Variants in EIF2AK2 observed in about 807,000 individuals in gnomAD.
The protein encoded by EIF2AK2 is interferon-induced, double-stranded RNA-activated protein kinase.
EIF2AK2 carries 40 observed loss-of-function variants against 70.5 expected under a neutral mutation model. The ratio of observed to expected loss-of-function variants is 0.57; its 90% CI spans 0.44 to 0.74. The LOEUF is 0.74. EIF2AK2 is among the 30% of genes least tolerant of loss of function. The pLI is 0.00. For missense variants in EIF2AK2, 555 were observed against 644.3 expected, an observed-to-expected ratio of 0.86 and a Z score of 1.50; for synonymous variants, 198 against 220.9, an observed-to-expected ratio of 0.90 and a Z score of 0.92.
intron 10 of EIF2AK2, among the ~76,000 whole-genome samples, chr2:37,134,620 A>G (rs776466721): frequency 3.3e-4 from 50 of 152,148 alleles, no homozygotes; most frequent in Admixed American, 5.9e-4. Flanking sequence ...AACTCTTCCT[A>G]TATCGCTACT....
intron 11 of EIF2AK2, among the ~76,000 whole-genome samples, chr2:37,124,372 C>T (rs1674660676): frequency 6.6e-6 from 1 of 152,152 alleles, no homozygotes; most frequent in Non-Finnish European, 1.5e-5. Flanking sequence ...AGCGATTCTC[C>T]TGCCTCAGCC....
intron 4 of EIF2AK2, among the ~76,000 whole-genome samples, chr2:37,146,221 G>A (rs1318401248): frequency 6.6e-6 from 1 of 152,174 alleles, no homozygotes; most frequent in Admixed American, 6.5e-5. Context: ...GCCTAGGTGT[G>A]TACTGGTTGT....
At position 37,120,037 on chromosome 2, in the gene EIF2AK2, CA is replaced by C; in HGVS notation, c.1169del (p.Leu390TrpfsTer9). ...KRRGEKLDKV[L>X]ALELFEQITK... ...TTATTTGTTCAAAGAGTTCCAAAGC[CA>C]AAACTTTGTCTAGTTTCTCGCCTCT... is the stretch of plus-strand genomic sequence containing the variant. On this transcript the variant is annotated frameshift_variant, in exon 13 of 17. Transcript: ENST00000233057. LOFTEE classifies it high-confidence loss of function. 6.4e-7 allele frequency: 1 copy of C among 1,566,424 alleles called. No homozygotes were observed. The highest frequency in any genetic ancestry group is 8.7e-7 in the Non-Finnish European group (1 of 1,153,032).
At chr2:37,107,832 T>C (rs941863238) in intron 15 of EIF2AK2, among the ~76,000 whole-genome samples, 14 of 152,118 alleles carry the variant, frequency 9.2e-5, no homozygotes, top group African/African-American at 3.4e-4. Flanking sequence ...TCCAGGAAAG[T>C]TCCCTTTCCT....
chr2:37,143,062 A>C (rs1037069770), intron 4 of EIF2AK2, among the ~76,000 whole-genome samples: 1 of 152,112 alleles, frequency 6.6e-6, no homozygotes, highest in Non-Finnish European at 1.5e-5. Context: ...CCCTGTCTCT[A>C]CTAAAAATAT....
At chr2:37,120,935 G>C (rs1305764442) in intron 12 of EIF2AK2, among the ~76,000 whole-genome samples, 1 of 145,816 alleles carries the variant, frequency 6.9e-6, no homozygotes, top group Non-Finnish European at 1.5e-5. Context: ...TTGTGCTCCC[G>C]CATGAGCGAT....
chr2:37,140,811 G>C (rs1675302584), intron 5 of EIF2AK2, among the ~76,000 whole-genome samples: 1 of 152,168 alleles, frequency 6.6e-6, no homozygotes, highest in Non-Finnish European at 1.5e-5. Flanking sequence ...GTAAATAGCT[G>C]AGTCAATTCA....
Position 37,147,703 on chromosome 2 carries a change from G to C in EIF2AK2, c.104C>G (p.Pro35Arg). Residue 35 changes from proline (P) to arginine (R), a missense_variant, in exon 3 of 17, where the codon CCT becomes CGT. Coordinates refer to ENST00000233057, the MANE Select transcript of EIF2AK2 (RefSeq NM_001135651.3). The part of the protein sequence containing the change: ...LKYQELPNSG[P>R]PHDRRFTFQV... ...AGCAACCTACCTCCTATCATGTGGA[G>C]GTCCTGAATTAGGCAGTTCTTGATA... 2 of 1,610,954 alleles carry C rather than the reference G, an allele frequency of 1.2e-6. No individual in the cohort carries two copies. Among genetic ancestry groups the C allele is most frequent in the African/African-American group, 2.7e-5 (2 of 74,828 alleles).
Position 37,107,249 on chromosome 2 carries a change from G to A in EIF2AK2, c.*24C>T. On this transcript the variant is annotated 3_prime_UTR_variant, in exon 17 of 17. Transcript: ENST00000233057. ...ATTTAAGGAAAACTGCATATCAGAA[G>A]CAGGATACTTTTTCAGAAGGGCTCT... The A allele has an allele frequency of 6.2e-7, 1 of 1,601,720 alleles. No homozygotes were observed. The highest frequency in any genetic ancestry group is 8.5e-7 in the Non-Finnish European group (1 of 1,176,332).
intron 14 of EIF2AK2, among the ~76,000 whole-genome samples, chr2:37,112,791 T>C (rs1048046512): frequency 6.6e-6 from 1 of 152,210 alleles, no homozygotes; most frequent in Non-Finnish European, 1.5e-5. Flanking sequence ...CTTTTAACCA[T>C]TTTTATGCCT....
chr2:37,116,750 T>A (rs1450844426), intron 13 of EIF2AK2, among the ~76,000 whole-genome samples: 1 of 152,202 alleles, frequency 6.6e-6, no homozygotes, highest in Non-Finnish European at 1.5e-5. Flanking sequence ...TATGTTCAAG[T>A]TGCAATGTGT....
intron 1 of EIF2AK2, among the ~76,000 whole-genome samples, chr2:37,156,134 A>G (rs1031545730): frequency 6.6e-6 from 1 of 152,118 alleles, no homozygotes; most frequent in Non-Finnish European, 1.5e-5. Context: ...TTCCCCATGC[A>G]GTTATCTGGG....
chr2:37,138,407 T>C (rs1675203685), intron 7 of EIF2AK2, 44 bp from the exon 8 acceptor site: 1 of 1,600,856 alleles, frequency 6.2e-7, no homozygotes, highest in African/African-American at 1.3e-5. Context: ...ATTCTGTTTT[T>C]ATCACTTATT....
chr2:37,110,243 G>A (rs1674100339), intron 14 of EIF2AK2, among the ~76,000 whole-genome samples: 1 of 150,330 alleles, frequency 6.7e-6, no homozygotes, highest in Non-Finnish European at 1.5e-5. Flanking sequence ...GCTCATTTTT[G>A]TAGTTTTGTA....
chr2:37,109,444 G>A (rs754496370), intron 14 of EIF2AK2, 149 bp from the exon 15 acceptor site: 3 of 620,892 alleles, frequency 4.8e-6, no homozygotes, highest in Non-Finnish European at 5.7e-6. Context: ...TGACTGCCTA[G>A]GTTCAAATCT....
intron 15 of EIF2AK2, among the ~76,000 whole-genome samples, chr2:37,108,117 G>C (rs1558405713): frequency 6.7e-6 from 1 of 149,302 alleles, no homozygotes; most frequent in East Asian, 2.0e-4. Flanking sequence ...TTGCACTCCA[G>C]CCTGGGCAAT....
At chr2:37,114,593 T>A in intron 14 of EIF2AK2, 138 bp downstream of exon 14, 1 of 603,080 alleles carries the variant, frequency 1.7e-6, no homozygotes, top group Non-Finnish European at 2.5e-6. Context: ...ATAAGAAGAA[T>A]AGGGGTAGAA....
chr2:37,137,724 A>C (rs1675176553), intron 8 of EIF2AK2, among the ~76,000 whole-genome samples: 1 of 152,210 alleles, frequency 6.6e-6, no homozygotes, highest in Admixed American at 6.5e-5. Flanking sequence ...AGAAAAGCAA[A>C]ATCATAGGAA....
intron 1 of EIF2AK2, among the ~76,000 whole-genome samples, chr2:37,155,595 T>C (rs77741235): frequency 0.033 from 5,041 of 152,252 alleles, 131 homozygotes; most frequent in Non-Finnish European, 0.048. Context: ...AACTAATTAG[T>C]GAGCTCTTTG....
Sources: gnomAD v4.1 joint callset for allele counts (sites outside exome capture counted in the v4.1 genomes callset) on GRCh38, gnomAD v4.1.1 for gene constraint, MANE v1.5 for transcripts, NCBI Gene and HGNC (gene_info 2026-07-23, HGNC 2026-07-21) for gene names.